Variants in ARID2 observed in about 807,000 individuals in gnomAD.
ARID2 encodes the protein AT-rich interactive domain-containing protein 2.
ARID2 carries 32 observed loss-of-function variants against 184.6 expected under a neutral mutation model. The ratio of observed to expected loss-of-function variants is 0.17; its 90% CI spans 0.13 to 0.23. The LOEUF (loss-of-function observed/expected upper bound fraction) is 0.23. Ranked by LOEUF, ARID2 falls within the 10% of genes least tolerant of loss-of-function variation. ARID2 has a pLI of 1.00. For synonymous variants in ARID2, 836 were observed against 772.6 expected, an observed-to-expected ratio of 1.08 and a Z score of -1.36; for missense variants, 1,696 against 2,197.6, an observed-to-expected ratio of 0.77 and a Z score of 4.56.
Position 45,797,990 on chromosome 12 carries a change from T to C in ARID2, c.285-13428T>C, listed in dbSNP as rs141040554. Among the ~76,000 whole-genome samples, 5 of 152,202 alleles carry C rather than the reference T, an allele frequency of 3.3e-5. No homozygotes were observed. The East Asian group carries it at 9.6e-4, about 29-fold the overall frequency. On this transcript the variant is annotated intron_variant, in intron 3 of 20. Coordinates refer to ENST00000334344, the MANE Select transcript of ARID2 (RefSeq NM_152641.4). ...ACTATGAGGCTAACTGCTATTATAG[T>C]TTCTTTATTTCATTCTAAAAATATA... is the stretch of plus-strand genomic sequence containing the variant.
chr12:45,837,449 A>G, intron 9 of ARID2, 32 bp downstream of exon 9: 1 of 1,610,698 alleles, frequency 6.2e-7, no homozygotes, highest in Non-Finnish European at 8.5e-7. Flanking sequence ...TACTTTCTAA[A>G]GTAAACAAAC....
At chr12:45,813,075 G>T (rs1942740204) in intron 4 of ARID2, among the ~76,000 whole-genome samples, 2 of 152,150 alleles carry the variant, frequency 1.3e-5, no homozygotes, top group African/African-American at 2.4e-5. Flanking sequence ...AGGAGTGATA[G>T]AATTGCTTAA....
At chr12:45,838,620 A>G (rs1320186912) in intron 10 of ARID2, among the ~76,000 whole-genome samples, 1 of 151,968 alleles carries the variant, frequency 6.6e-6, no homozygotes, top group Non-Finnish European at 1.5e-5. Flanking sequence ...AATAAAATTA[A>G]CCAGATGTAG....
chr12:45,755,238 ATTTG>A (rs1193170236), intron 3 of ARID2, among the ~76,000 whole-genome samples: 2 of 152,042 alleles, frequency 1.3e-5, no homozygotes, highest in Admixed American at 6.6e-5. Flanking sequence ...TGTAGTTGTT[ATTTG>A]TTTGTTTTTT....
chr12:45,869,022 TTTTG>T (rs759001423), intron 16 of ARID2, among the ~76,000 whole-genome samples: 8 of 98,878 alleles, frequency 8.1e-5, no homozygotes, highest in African/African-American at 5.6e-5. Flanking sequence ...TGCAATTGCT[TTTTG>T]TTTTTTTTTT....
At chr12:45,876,293 G>A (rs1944007101) in intron 16 of ARID2, among the ~76,000 whole-genome samples, 1 of 152,244 alleles carries the variant, frequency 6.6e-6, no homozygotes, top group Non-Finnish European at 1.5e-5. Context: ...GCTCACGCCT[G>A]TAATCCCAGC....
chr12:45,788,981 A>G (rs1942244762), intron 3 of ARID2, among the ~76,000 whole-genome samples: 2 of 152,300 alleles, frequency 1.3e-5, no homozygotes, highest in South Asian at 2.1e-4. Context: ...TTTGCTCTTA[A>G]TTAATTCTTC....
intron 20 of ARID2, among the ~76,000 whole-genome samples, chr12:45,898,170 G>T (rs1944394795): frequency 6.6e-6 from 1 of 152,170 alleles, no homozygotes; most frequent in Non-Finnish European, 1.5e-5. Context: ...AGTGAAATTA[G>T]CATGACACAA....
chr12:45,743,478 G>A (rs572600740), intron 3 of ARID2, among the ~76,000 whole-genome samples: 68 of 152,318 alleles, frequency 4.5e-4, no homozygotes, highest in Non-Finnish European at 7.3e-4. Flanking sequence ...TTCAAGCAAC[G>A]AACTGCCTCA....
At chr12:45,781,123 C>G (rs1396100228) in intron 3 of ARID2, among the ~76,000 whole-genome samples, 2 of 151,528 alleles carry the variant, frequency 1.3e-5, no homozygotes, top group Non-Finnish European at 2.9e-5. Context: ...CCCTCAAACC[C>G]AGCACTTAAA....
chr12:45,827,575 G>A (rs1592101447), intron 6 of ARID2, among the ~76,000 whole-genome samples: 1 of 152,086 alleles, frequency 6.6e-6, no homozygotes, highest in Admixed American at 6.6e-5. Flanking sequence ...TGCAAGTATT[G>A]TGAAGAAAAT....
chr12:45,880,466 A>G (rs537338182), intron 16 of ARID2, among the ~76,000 whole-genome samples: 58 of 152,340 alleles, frequency 3.8e-4, no homozygotes, highest in Non-Finnish European at 7.2e-4. Context: ...AATTCCTCCT[A>G]AAGTTCCTAT....
intron 3 of ARID2, among the ~76,000 whole-genome samples, chr12:45,781,871 G>A (rs556723153): frequency 7.7e-4 from 118 of 152,274 alleles, no homozygotes; most frequent in Non-Finnish European, 1.5e-3. Context: ...GAGTTAATTG[G>A]TATGGAATCC....
intron 12 of ARID2, among the ~76,000 whole-genome samples, chr12:45,848,104 G>T (rs1943477250): frequency 6.7e-6 from 1 of 148,940 alleles, no homozygotes; most frequent in South Asian, 2.1e-4. Context: ...TCATTTTACA[G>T]TTTTTTTTTT....
chr12:45,850,905 A>G lies in ARID2; in HGVS notation c.2782A>G (p.Ile928Val), dbSNP rs2138166057. The change falls in exon 15 of 21, where the codon ATT (isoleucine) becomes GTT (valine). Residue 928 changes from isoleucine to valine, a missense_variant. By Grantham distance (29) the Ile-to-Val change is conservative. Around this residue, in one of 11 missense-constraint regions of ARID2, gnomAD observed 713 missense variants for 824.4 expected, o/e 0.86. Transcript: ENST00000334344. Reference protein sequence around the residue: ...PQQPTQQSVVIVSQPAQQGQT... With the variant: ...PQQPTQQSVVVVSQPAQQGQT... ...GCAGCCAACCCAACAAAGCGTAGTGATTGTAAGCCAGCCAGCTCAACAAGG... is the reference window on the plus strand; with the variant it reads ...GCAGCCAACCCAACAAAGCGTAGTGGTTGTAAGCCAGCCAGCTCAACAAGG... 1 of 1,614,114 alleles carries G rather than the reference A, an allele frequency of 6.2e-7. No homozygotes were observed.
chr12:45,781,421 G>A (rs551980690), intron 3 of ARID2, among the ~76,000 whole-genome samples: 2 of 9,142 alleles, frequency 2.2e-4, no homozygotes, highest in East Asian at 5.5e-3. Flanking sequence ...TACTTGCCTA[G>A]TATAACTAAA....
intron 3 of ARID2, among the ~76,000 whole-genome samples, chr12:45,795,542 C>G (rs181803003): frequency 6.6e-6 from 1 of 152,132 alleles, no homozygotes; most frequent in African/African-American, 2.4e-5. Context: ...ACGCCATTCT[C>G]CTGCCTCAGC....
Position 45,851,135 on chromosome 12 carries a change from T to C in ARID2, c.3012T>C (p.Ser1004=), listed in dbSNP as rs2138168181. The C allele has an allele frequency of 6.2e-7, 1 of 1,614,044 alleles. No homozygotes were observed. Among genetic ancestry groups the C allele is most frequent in the Non-Finnish European group, 8.5e-7 (1 of 1,180,024 alleles). ...CACAGGGACCACCTCCTACTGTCAGTCAAATGTTATCTGTGAAAAGGCAGC... is the reference window on the plus strand; with the variant it reads ...CACAGGGACCACCTCCTACTGTCAGCCAAATGTTATCTGTGAAAAGGCAGC... ...PQSQGPPPTV[S]QMLSVKRQQQ... is the part of the protein sequence containing the mutation. Residue 1004 remains serine, a synonymous_variant, in exon 15 of 21, where the codon AGT becomes AGC. Coordinates refer to ENST00000334344, the MANE Select transcript of ARID2 (RefSeq NM_152641.4).
intron 3 of ARID2, among the ~76,000 whole-genome samples, chr12:45,756,379 A>G (rs1008146388): frequency 1.3e-5 from 2 of 152,164 alleles, no homozygotes; most frequent in African/African-American, 4.8e-5. Context: ...CTTTTTTGTT[A>G]CTTAGAATCT....
Sources: allele counts gnomAD v4.1 joint callset (sites outside exome capture counted in the v4.1 genomes callset), GRCh38; gene constraint gnomAD v4.1.1; regional missense constraint gnomAD v4.1.1; transcripts MANE v1.5; gene names NCBI Gene and HGNC (gene_info 2026-07-23, HGNC 2026-07-21).